Variants in NCR1 observed in about 807,000 individuals in gnomAD.
NCR1 encodes the protein natural cytotoxicity triggering receptor 1, also known as NK cell-activating receptor.
In NCR1, 30 loss-of-function variants were observed where a neutral mutation model predicts 32.5. The observed-to-expected ratio is 0.92, with a 90% confidence interval of 0.69 to 1.25. The LOEUF is 1.25. Ranked by LOEUF, NCR1 falls within the 50% of genes most tolerant of loss-of-function variation. The probability of loss-of-function intolerance (pLI) is 0.00; values close to 1 mark genes in which losing one functional copy is unlikely to be tolerated. For missense variants in NCR1, 369 were observed against 380.7 expected (o/e 0.97, Z 0.26); for synonymous variants, 169 against 143.4 (o/e 1.18, Z -1.28).
chr19:54,927,545 G>T, the NCR1 span: 2 of 1,538,708 alleles, frequency 1.3e-6, no homozygotes, highest in South Asian at 2.2e-5. Flanking sequence ...GACAGAGCAC[G>T]ACTCCATCTC....
chr19:54,932,426 C>CAAAA, the NCR1 span, among the ~76,000 whole-genome samples: 246 of 141,154 alleles, frequency 1.7e-3, no homozygotes, highest in African/African-American at 4.9e-3. Context: ...AGACTTCATC[C>CAAAA]AAAAAAAAAA....
upstream of NCR1, among the ~76,000 whole-genome samples, chr19:54,903,337 T>C (rs142841429): frequency 0.046 from 5,669 of 123,304 alleles, 392 homozygotes; most frequent in Non-Finnish European, 0.065. Flanking sequence ...TACATGTATG[T>C]ATATACATAT....
the NCR1 span, chr19:54,923,408 C>G: frequency 2.5e-6 from 1 of 398,024 alleles, no homozygotes; most frequent in South Asian, 2.3e-5. Flanking sequence ...GAAGAATCAA[C>G]CGAATCATCC....
At chr19:54,903,559 T>TAC (rs1569535693), upstream of NCR1, among the ~76,000 whole-genome samples, 7 of 147,218 alleles carry the variant, frequency 4.8e-5, 2 homozygotes, top group Admixed American at 2.1e-4. Context: ...TGTGTATATA[T>TAC]ACATATATGT....
downstream of NCR1, among the ~76,000 whole-genome samples, chr19:54,921,092 A>G (rs17699476): frequency 0.084 from 12,743 of 152,268 alleles, 567 homozygotes; most frequent in South Asian, 0.12. Flanking sequence ...AGTCCGACCC[A>G]GATGTTTTCA....
the NCR1 span, among the ~76,000 whole-genome samples, chr19:54,930,854 T>C: frequency 2.6e-5 from 4 of 151,900 alleles, no homozygotes; most frequent in Non-Finnish European, 5.9e-5. Context: ...TAGCTGGGAT[T>C]ATAGGTGCCC....
chr19:54,914,811 C>T (rs978268855), downstream of NCR1, among the ~76,000 whole-genome samples: 3 of 151,582 alleles, frequency 2.0e-5, no homozygotes, highest in Non-Finnish European at 4.4e-5. Context: ...ACAATCTCAG[C>T]TCACTGCAAC....
chr19:54,909,616 G>C, intron 4 of NCR1, 93 bp downstream of exon 4: 1 of 1,451,804 alleles, frequency 6.9e-7, no homozygotes, highest in Non-Finnish European at 9.2e-7. Context: ...GGGTGTCCAA[G>C]GGACGTCCAC....
chr19:54,930,115 C>CAAAAAAAAA, the NCR1 span, among the ~76,000 whole-genome samples: 1 of 100,562 alleles, frequency 9.9e-6, no homozygotes, highest in African/African-American at 3.7e-5. Flanking sequence ...GGCTCCGTCT[C>CAAAAAAAAA]AAAAAAAAAA....
Position 54,912,948 on chromosome 19 carries a change from T to C in NCR1, c.*77T>C, listed in dbSNP as rs1051130605. ...AGCCTGGGCGGCGTGAGCTCTGTGT[T>C]GGACCCACGGAGGAGGGAGTCACTG... On this transcript the variant is annotated 3_prime_UTR_variant, in exon 7 of 7. Coordinates refer to ENST00000291890, the MANE Select transcript of NCR1 (RefSeq NM_004829.7). The C allele has an allele frequency of 1.4e-6, 2 of 1,425,584 alleles. No homozygotes were observed. Among genetic ancestry groups the C allele is most frequent in the Non-Finnish European group, 1.9e-6 (2 of 1,049,108 alleles). The allele number at this position is 1,425,584 out of a possible 1,614,324, so 88.3% of individuals were successfully genotyped here. A position where few individuals can be genotyped will look rare whatever the true frequency, so the allele number is the denominator to read the frequency against.
chr19:54,925,996 C>T, the NCR1 span, among the ~76,000 whole-genome samples: 2 of 150,794 alleles, frequency 1.3e-5, no homozygotes, highest in Non-Finnish European at 3.0e-5. Context: ...ACTGGAGTCT[C>T]TGTCTCAAAA....
upstream of NCR1, chr19:54,906,070 C>T (rs1271211452): frequency 5.4e-6 from 7 of 1,289,306 alleles, no homozygotes; most frequent in Admixed American, 3.5e-5. Context: ...AAGCAGTCAA[C>T]GTGAAAGCGC....
the NCR1 span, among the ~76,000 whole-genome samples, chr19:54,899,042 G>C: frequency 1.4e-4 from 21 of 152,212 alleles, no homozygotes; most frequent in African/African-American, 5.1e-4. Flanking sequence ...CTTGGGGTTG[G>C]GACTGACGGG....
At chr19:54,907,325 A>G (rs1338411854) in intron 3 of NCR1, among the ~76,000 whole-genome samples, 4 of 151,076 alleles carry the variant, frequency 2.6e-5, no homozygotes, top group Admixed American at 2.6e-4. Context: ...CACATTTTGT[A>G]TTTTTAGTAG....
the NCR1 span, chr19:54,923,484 TCC>T: frequency 1.4e-5 from 8 of 554,324 alleles, no homozygotes; most frequent in East Asian, 2.6e-4. Flanking sequence ...GCAGGTTTGC[TCC>T]TGAGCATGTC....
the NCR1 span, among the ~76,000 whole-genome samples, chr19:54,899,906 C>T: frequency 1.7e-4 from 26 of 152,152 alleles, 1 homozygote; most frequent in East Asian, 4.3e-3. Flanking sequence ...GAATAAAGCG[C>T]GTCTCCTGTC....
the NCR1 span, among the ~76,000 whole-genome samples, chr19:54,929,205 C>T: frequency 2.6e-5 from 4 of 151,902 alleles, no homozygotes; most frequent in African/African-American, 9.7e-5. Flanking sequence ...CTGGTCTCTA[C>T]TAAAAATACA....
the NCR1 span, among the ~76,000 whole-genome samples, chr19:54,928,927 C>A: frequency 6.6e-6 from 1 of 151,906 alleles, no homozygotes; most frequent in Non-Finnish European, 1.5e-5. Context: ...CCCAGCCTCC[C>A]GAGAATCTAG....
the NCR1 span, among the ~76,000 whole-genome samples, chr19:54,933,318 G>A: frequency 6.6e-6 from 1 of 151,874 alleles, no homozygotes; most frequent in South Asian, 2.1e-4. Flanking sequence ...GCTAATTTTT[G>A]GTATTTTTAG....
Sources: gnomAD v4.1 joint callset for allele counts (sites outside exome capture counted in the v4.1 genomes callset) on GRCh38, gnomAD v4.1.1 for gene constraint, MANE v1.5 for transcripts, NCBI Gene and HGNC (gene_info 2026-07-23, HGNC 2026-07-21) for gene names.